Variants in CMAS observed in about 807,000 individuals in gnomAD.
The protein encoded by CMAS is cytidine monophosphate N-acetylneuraminic acid synthetase.
A neutral mutation model predicts 53.4 loss-of-function variants in CMAS; 21 were observed. The ratio of observed to expected loss-of-function variants is 0.39; its 90% CI spans 0.28 to 0.57. CMAS has a LOEUF of 0.57. Among genes scored for constraint, CMAS ranks in the 20% least tolerant of loss-of-function variants. The pLI is 0.56. For missense variants in CMAS, 384 were observed against 534.9 expected, an observed-to-expected ratio of 0.72 and a Z score of 2.78; for synonymous variants, 189 against 195.2, an observed-to-expected ratio of 0.97 and a Z score of 0.27.
intron 6 of CMAS, 78 bp from the exon 7 acceptor site, chr12:22,062,200 AATT>A (rs901345722): frequency 2.3e-6 from 3 of 1,309,168 alleles, no homozygotes; most frequent in South Asian, 3.0e-5. Context: ...CTACAAGGTC[AATT>A]ATTATGAAAG....
At position 22,057,240 on chromosome 12, in the gene CMAS, T is replaced by TAC. The variant is rs71053372; in HGVS notation, c.560-1293_560-1292dup. ...TAACCAGCTATTACACACACACACA[T>TAC]ACACACACACACACACACACACACA... On this transcript the variant is annotated intron_variant, in intron 3 of 7. Transcript: ENST00000229329. Among the ~76,000 whole-genome samples, 1,083 of 118,054 alleles carry TAC rather than the reference T, an allele frequency of 9.2e-3. 11 individuals carry two copies. Among genetic ancestry groups the TAC allele is most frequent in the African/African-American group, 0.028 (657 of 23,080 alleles). The allele number at this position is 118,054 out of a possible 152,430, so 77.4% of individuals were successfully genotyped here.
At position 22,060,848 on chromosome 12, in the gene CMAS, A is replaced by G; in HGVS notation, c.710A>G (p.Tyr237Cys). 6.2e-7 allele frequency: 1 copy of G among 1,608,326 alleles called. No homozygotes were observed. Among genetic ancestry groups the G allele is most frequent in the Non-Finnish European group, 8.5e-7 (1 of 1,175,154 alleles). The change falls in exon 5 of 8, where the codon TAC becomes TGC. Residue 237 changes from tyrosine to cysteine, a missense_variant. This residue lies in a region of CMAS where 139 missense variants were observed against 248.0 expected (regional missense o/e 0.56). Transcript: ENST00000229329. ...MGYLQGGKMA[Y>C]YEMRAEHSVD... is the part of the protein sequence containing the mutation. The stretch of plus-strand genomic sequence containing the variant: ...TACCTTTAGGGTGGAAAAATGGCAT[A>G]CTACGAAATGCGAGCTGAACATAGT...
rs138649790 is a variant in CMAS at position 22,046,381 on chromosome 12, G to A, written c.78G>A (p.Lys26=). The part of the protein sequence containing the change: ...RGRPSRGRPP[K]LQRNSRGGQG... ...GACCGTCCCGGGGCCGGCCGCCGAA[G>A]CTGCAGCGCAACTCTCGCGGCGGCC... Residue 26 remains lysine (K), a synonymous_variant, in exon 1 of 8, where the codon AAG becomes AAA. Transcript: ENST00000229329. 6.8e-4 allele frequency: 1,072 copies of A among 1,572,908 alleles called. 4 individuals carry two copies. In the African/African-American group the frequency reaches 0.013, roughly 19 times the overall value.
At chr12:22,053,276 G>A (rs1248987770) in intron 1 of CMAS, among the ~76,000 whole-genome samples, 1 of 151,748 alleles carries the variant, frequency 6.6e-6, no homozygotes, top group Non-Finnish European at 1.5e-5. Context: ...GGGTGACAGA[G>A]CAAGACTCTG....
chr12:22,055,328 G>A lies in CMAS; in HGVS notation c.403+37G>A, dbSNP rs768488737. ...ATTAATAGTTTATTCAAACCTTTAT[G>A]TACTTTTCTACTTCCTTTATTATCT... is the stretch of plus-strand genomic sequence containing the variant. On this transcript the variant is annotated intron_variant, in intron 2 of 7. Transcript: ENST00000229329. 2.0e-5 allele frequency: 30 copies of A among 1,515,514 alleles called. No homozygotes were observed. The South Asian group carries it at 3.5e-4, about 18-fold the overall frequency. 93.9% of individuals were successfully genotyped at this position (1,515,514 alleles called of 1,614,324 possible). A position where few individuals can be genotyped will look rare whatever the true frequency, so the allele number is the denominator to read the frequency against.
intron 7 of CMAS, 80 bp from the exon 8 acceptor site, chr12:22,065,041 G>A (rs1340883704): frequency 3.4e-6 from 4 of 1,183,316 alleles, no homozygotes; most frequent in African/African-American, 3.0e-5. Context: ...AGAGTTACCT[G>A]TTGGTTGCTG....
At chr12:22,053,325 C>A (rs1333938661) in intron 1 of CMAS, among the ~76,000 whole-genome samples, 1 of 151,456 alleles carries the variant, frequency 6.6e-6, no homozygotes, top group African/African-American at 2.4e-5. Flanking sequence ...ATCTTTCCCT[C>A]AGTAGATATC....
chr12:22,060,579 A>G (rs778162712), intron 4 of CMAS: 5 of 309,636 alleles, frequency 1.6e-5, no homozygotes, highest in Admixed American at 4.2e-5. Flanking sequence ...GCTTGAGCCT[A>G]AGATTTCAAG....
At chr12:22,061,491 T>C in intron 6 of CMAS, 39 bp downstream of exon 6, 1 of 1,344,338 alleles carries the variant, frequency 7.4e-7, no homozygotes, top group Non-Finnish European at 1.0e-6. Context: ...TTATAATATT[T>C]TGATTCAGGG....
Position 22,065,409 on chromosome 12 carries a change from A to C in CMAS, c.*98A>C. ...AATTCCATGTTGTAATGTTACAGAG[A>C]GTGTGATTTGGTTTGTGATATATAT... On this transcript the variant is annotated 3_prime_UTR_variant, in exon 8 of 8. Transcript: ENST00000229329. The C allele has an allele frequency of 1.1e-6, 1 of 929,018 alleles. No homozygotes were observed. The highest frequency in any genetic ancestry group is 1.6e-5 in the South Asian group (1 of 61,988). The allele number at this position is 929,018 out of a possible 1,614,324, so 57.5% of individuals were successfully genotyped here.
chr12:22,053,480 T>TTG (rs888760456), intron 1 of CMAS, among the ~76,000 whole-genome samples: 9 of 148,728 alleles, frequency 6.1e-5, no homozygotes, highest in African/African-American at 1.7e-4. Context: ...GTATATATGT[T>TTG]TGTGTGTGTA....
At chr12:22,064,444 T>G (rs572819786) in intron 7 of CMAS, among the ~76,000 whole-genome samples, 209 of 152,194 alleles carry the variant, frequency 1.4e-3, no homozygotes, top group African/African-American at 4.6e-3. Context: ...TATATATATA[T>G]AAACAAAAGA....
chr12:22,065,398 A>G lies in CMAS; in HGVS notation c.*87A>G, dbSNP rs1950340600. The G allele has an allele frequency of 9.8e-7, 1 of 1,021,108 alleles. No individual in the cohort carries two copies. Among genetic ancestry groups the G allele is most frequent in the Non-Finnish European group, 1.5e-6 (1 of 679,444 alleles). The allele number at this position is 1,021,108 out of a possible 1,614,324, so 63.3% of individuals were successfully genotyped here. The stretch of plus-strand genomic sequence containing the variant: ...TTGATTAAGTAAATTCCATGTTGTA[A>G]TGTTACAGAGAGTGTGATTTGGTTT... On this transcript the variant is annotated 3_prime_UTR_variant, in exon 8 of 8. Coordinates refer to ENST00000229329, the MANE Select transcript of CMAS (RefSeq NM_018686.6).
At chr12:22,064,435 A>G (rs1222263236) in intron 7 of CMAS, among the ~76,000 whole-genome samples, 1 of 151,924 alleles carries the variant, frequency 6.6e-6, no homozygotes, top group African/African-American at 2.4e-5. Flanking sequence ...TTAAGAGATT[A>G]TATATATATA....
intron 7 of CMAS, 29 bp from the exon 8 acceptor site, chr12:22,065,092 G>GT (rs750601553): frequency 3.9e-6 from 6 of 1,549,256 alleles, no homozygotes. Flanking sequence ...CTCTTTAAAT[G>GT]TTTGCTCAGT....
intron 1 of CMAS, among the ~76,000 whole-genome samples, chr12:22,050,050 A>G (rs761148030): frequency 5.3e-5 from 8 of 152,218 alleles, no homozygotes; most frequent in Non-Finnish European, 1.0e-4. Flanking sequence ...TGGAGAGATT[A>G]GGTCAAAAGG....
At position 22,062,450 on chromosome 12, in the gene CMAS, T is replaced by A. The variant is rs752196734; in HGVS notation, c.1114+16T>A. The A allele has an allele frequency of 3.1e-6, 5 of 1,609,776 alleles. No individual in the cohort carries two copies. The highest frequency in any genetic ancestry group is 4.2e-6 in the Non-Finnish European group (5 of 1,178,216). ...GCATATCTTGGTTGGTATCTTTTTA[T>A]TCACCCATAGTAAAATGGACCAGGA... On this transcript the variant is annotated intron_variant, in intron 7 of 7. Transcript: ENST00000229329.
intron 3 of CMAS, 72 bp from the exon 4 acceptor site, chr12:22,058,495 C>A: frequency 3.0e-6 from 4 of 1,337,028 alleles, no homozygotes; most frequent in South Asian, 2.8e-5. Context: ...TTTTTATTAA[C>A]TTTTTTAGTT....
At chr12:22,061,172 T>C in intron 5 of CMAS, 109 bp from the exon 6 acceptor site, 2 of 816,916 alleles carry the variant, frequency 2.4e-6, no homozygotes, top group South Asian at 3.0e-5. Context: ...TGGAGAGTAA[T>C]GTTTGAATAA....
Sources: allele counts gnomAD v4.1 joint callset (sites outside exome capture counted in the v4.1 genomes callset), GRCh38; gene constraint gnomAD v4.1.1; regional missense constraint gnomAD v4.1.1; transcripts MANE v1.5; gene names NCBI Gene and HGNC (gene_info 2026-07-23, HGNC 2026-07-21).